PRKN: variants seen among roughly 807,000 people sequenced by gnomAD.
PRKN encodes E3 ubiquitin-protein ligase parkin.
A neutral mutation model predicts 59.5 loss-of-function variants in PRKN; 56 were observed. That is an observed-to-expected ratio of 0.94 (90% confidence interval 0.76 to 1.18). The LOEUF (loss-of-function observed/expected upper bound fraction) is 1.18. PRKN is among the 50% of genes most tolerant of loss of function. PRKN has a pLI of 0.00. For missense variants in PRKN, 657 were observed against 596.4 expected, an observed-to-expected ratio of 1.10 and a Z score of -1.06; for synonymous variants, 250 against 222.1, an observed-to-expected ratio of 1.13 and a Z score of -1.12.
chr6:161,976,716 T>G (rs1270379900), intron 5 of PRKN, among the ~76,000 whole-genome samples: 4 of 152,300 alleles, frequency 2.6e-5, no homozygotes, highest in African/African-American at 7.2e-5. Context: ...GACTGGTTTT[T>G]GCAGACATGA....
intron 2 of PRKN, among the ~76,000 whole-genome samples, chr6:162,324,672 T>C (rs1273815458): frequency 2.6e-5 from 4 of 152,070 alleles, no homozygotes; most frequent in Non-Finnish European, 2.9e-5. Flanking sequence ...CTCTAGTATA[T>C]ATAAAATAGT....
In PRKN at chr6:161,527,749, G is replaced by A. The variant is rs906675250; in HGVS notation, c.1083+21105C>T. On this transcript the variant is annotated intron_variant, in intron 9 of 11. Coordinates refer to ENST00000366898, the MANE Select transcript of PRKN (RefSeq NM_004562.3). This position sits in a 1 kb window ranked among gnomAD's most constrained non-coding sequence, Gnocchi z 4.6. The stretch of plus-strand genomic sequence containing the variant: ...GCTATTGCTAATCAGAACATTCTCC[G>A]GCTCTCCAGTCTTCTTTATTAGACT... Among the ~76,000 whole-genome samples the A allele has an allele frequency of 2.0e-5, 3 of 152,242 alleles. No individual in the cohort carries two copies. Among genetic ancestry groups the A allele is most frequent in the Admixed American group, 1.3e-4 (2 of 15,290 alleles).
At chr6:162,498,832 G>GATTATTGTTCAGA (rs56708693) in intron 1 of PRKN, among the ~76,000 whole-genome samples, 36 of 151,864 alleles carry the variant, frequency 2.4e-4, no homozygotes, top group African/African-American at 6.5e-4. Context: ...ATGAGAATTG[G>GATTATTGTTCAGA]ACAGTAGCCG....
chr6:161,361,285 C>A lies in PRKN; in HGVS notation c.1168-1080G>T, dbSNP rs1162964983. Among the ~76,000 whole-genome samples, 1 of 152,152 alleles carries A rather than the reference C, an allele frequency of 6.6e-6. No individual in the cohort carries two copies. The highest frequency in any genetic ancestry group is 1.5e-5 in the Non-Finnish European group (1 of 68,022). The stretch of plus-strand genomic sequence containing the variant: ...TATTATGAGGAAAATAACTGTACTG[C>A]ATTTAATAGTTTCTTTAGGAATTAG... On this transcript the variant is annotated intron_variant, in intron 10 of 11. Transcript: ENST00000366898. The surrounding 1 kb of genome is among the most constrained non-coding windows in gnomAD (Gnocchi z 5.2).
At chr6:161,662,020 C>T (rs1562591658) in intron 7 of PRKN, among the ~76,000 whole-genome samples, 1 of 151,920 alleles carries the variant, frequency 6.6e-6, no homozygotes, top group Non-Finnish European at 1.5e-5. Flanking sequence ...GAGACTCTGT[C>T]TCAAACAAAC....
chr6:161,749,789 G>C (rs946050632), intron 7 of PRKN, among the ~76,000 whole-genome samples: 2 of 152,006 alleles, frequency 1.3e-5, no homozygotes, highest in African/African-American at 4.8e-5. Context: ...TGACAAACTT[G>C]TGTAGTTGGA....
In PRKN at chr6:161,352,755, G is replaced by GTGTGTGTGTATATATATA. The variant is rs766949960; in HGVS notation, c.1286-2545_1286-2544insTATATATATACACACACA. 1.5e-5 allele frequency among the ~76,000 whole-genome samples: 2 copies of GTGTGTGTGTATATATATA among 134,376 alleles called. No homozygotes were observed. The highest frequency in any genetic ancestry group is 5.6e-5 in the African/African-American group (2 of 35,724). 88.2% of individuals were successfully genotyped at this position (134,376 alleles called of 152,430 possible). Reference sequence around the variant, plus strand: ...TGTGTGTGTGTGTGTGTGTGTGTGTGTATATATATATATATATTTTATTTT... The same window carrying GTGTGTGTGTATATATATA: ...TGTGTGTGTGTGTGTGTGTGTGTGTGTGTGTGTGTATATATATATATATATATATATATATTTTATTTT... On this transcript the variant is annotated intron_variant, in intron 11 of 11. Coordinates refer to ENST00000366898, the MANE Select transcript of PRKN (RefSeq NM_004562.3). This position sits in a 1 kb window ranked among gnomAD's most constrained non-coding sequence, Gnocchi z 5.8.
intron 7 of PRKN, among the ~76,000 whole-genome samples, chr6:161,757,706 C>T (rs1459724475): frequency 1.2e-4 from 18 of 151,558 alleles, no homozygotes; most frequent in African/African-American, 3.9e-4. Flanking sequence ...GGCATGGTGG[C>T]GTGTGCCTGT....
chr6:162,703,503 A>G (rs1344675750), intron 1 of PRKN, among the ~76,000 whole-genome samples: 2 of 152,224 alleles, frequency 1.3e-5, no homozygotes, highest in Admixed American at 1.3e-4. Flanking sequence ...AGAGCTGTGC[A>G]GTTGAAATGT....
intron 1 of PRKN, among the ~76,000 whole-genome samples, chr6:162,674,749 T>A (rs916697015): frequency 6.6e-6 from 1 of 151,564 alleles, no homozygotes; most frequent in Non-Finnish European, 1.5e-5. Context: ...ATTTAGAGAG[T>A]GGGAAGAAAG....
rs1289082158 is a variant in PRKN at position 161,352,041 on chromosome 6, G to A, written c.1286-1830C>T. 6.6e-6 allele frequency among the ~76,000 whole-genome samples: 1 copy of A among 152,214 alleles called. No homozygotes were observed. The highest frequency in any genetic ancestry group is 1.5e-5 in the Non-Finnish European group (1 of 68,042). On this transcript the variant is annotated intron_variant, in intron 11 of 11. Transcript: ENST00000366898. This position sits in a 1 kb window ranked among gnomAD's most constrained non-coding sequence, Gnocchi z 5.8. ...GAAGGGAGGAGGAAGTGATTTGTAT[G>A]AGGATGTACAGAGAACTGTTTCTGT... is the stretch of plus-strand genomic sequence containing the variant.
At chr6:162,648,637 C>T (rs978676347) in intron 1 of PRKN, among the ~76,000 whole-genome samples, 1 of 152,194 alleles carries the variant, frequency 6.6e-6, no homozygotes, top group Non-Finnish European at 1.5e-5. Flanking sequence ...CCGCCTCAGC[C>T]TCCCAAAGTG....
chr6:162,517,333 T>C (rs12111504), intron 1 of PRKN, among the ~76,000 whole-genome samples: 13,335 of 150,820 alleles, frequency 0.088, 638 homozygotes, highest in South Asian at 0.17. Flanking sequence ...CTGCAAGGTC[T>C]GTCTCCCGGG....
rs547575719 is a variant in PRKN, at chr6:161,518,257, G to A, written c.1083+30597C>T. Among the ~76,000 whole-genome samples the A allele has an allele frequency of 3.8e-4, 58 of 152,206 alleles. No individual in the cohort carries two copies. The highest frequency in any genetic ancestry group is 8.3e-4 in the South Asian group (4 of 4,830). On this transcript the variant is annotated intron_variant, in intron 9 of 11. Transcript: ENST00000366898. This position sits in a 1 kb window ranked among gnomAD's most constrained non-coding sequence, Gnocchi z 5.0. ...GCCCCCACCCTGCATATCTGCTGGC[G>A]CTGAAATTCTCTCAGGACAGCTCAG...
rs947926703 is a variant in PRKN, at chr6:161,566,608, T to A, written c.933+2747A>T. Among the ~76,000 whole-genome samples the A allele has an allele frequency of 1.3e-5, 2 of 152,214 alleles. No individual in the cohort carries two copies. The highest frequency in any genetic ancestry group is 2.9e-5 in the Non-Finnish European group (2 of 68,036). On this transcript the variant is annotated intron_variant, in intron 8 of 11. Coordinates refer to ENST00000366898, the MANE Select transcript of PRKN (RefSeq NM_004562.3). This position sits in a 1 kb window ranked among gnomAD's most constrained non-coding sequence, Gnocchi z 4.1. ...TTTTAGTAGAGACAGGGTTTCGCCA[T>A]GTTGGTCAGGCTGGTCTCAGACTCC...
chr6:162,423,434 T>A (rs2205624), intron 2 of PRKN, among the ~76,000 whole-genome samples: 78,182 of 151,892 alleles, frequency 0.51, 20,500 homozygotes, highest in East Asian at 0.69. Flanking sequence ...CATTTTTTAT[T>A]TCCTTTGTAA....
intron 2 of PRKN, chr6:162,270,359 T>G (rs1400257324): frequency 6.6e-6 from 1 of 152,064 alleles, no homozygotes; most frequent in Non-Finnish European, 1.5e-5. Context: ...TTCAGGGACG[T>G]AGGGGAAAGG....
At chr6:161,602,104 T>TTATCTATCTATCTATCTATCTATCTATC (rs75473524) in intron 7 of PRKN, among the ~76,000 whole-genome samples, 3 of 150,536 alleles carry the variant, frequency 2.0e-5, no homozygotes, top group South Asian at 2.1e-4. Flanking sequence ...TTAGGGGAGA[T>TTATCTATCTATCTATCTATCTATCTATC]TATCTATCTA....
chr6:161,945,448 C>G (rs1450646270), intron 6 of PRKN, among the ~76,000 whole-genome samples: 2 of 152,182 alleles, frequency 1.3e-5, no homozygotes, highest in African/African-American at 4.8e-5. Flanking sequence ...TTGAATGACA[C>G]CAAGTGGATT....
Sources: gnomAD v4.1 joint callset for allele counts (sites outside exome capture counted in the v4.1 genomes callset) on GRCh38, gnomAD v4.1.1 for gene constraint, Gnocchi (gnomAD v3.1) non-coding constraint, MANE v1.5 for transcripts, NCBI Gene and HGNC (gene_info 2026-07-23, HGNC 2026-07-21) for gene names.